The following PCLO variants were observed in gnomAD, a reference collection of about 807,000 sequenced individuals.
PCLO encodes the protein protein piccolo.
PCLO carries 82 observed loss-of-function variants against 427.5 expected under a neutral mutation model. The ratio of observed to expected loss-of-function variants is 0.19; its 90% CI spans 0.16 to 0.23. The LOEUF (loss-of-function observed/expected upper bound fraction) is 0.23. Among genes scored for constraint, PCLO ranks in the 10% least tolerant of loss-of-function variants. The pLI, the probability that PCLO is intolerant of heterozygous loss-of-function variation, is 1.00. For missense variants in PCLO, 6,239 were observed against 6,115.9 expected (o/e 1.02, Z -0.67); for synonymous variants, 2,357 against 2,155.4 (o/e 1.09, Z -2.59).
intron 3 of PCLO, among the ~76,000 whole-genome samples, chr7:83,087,165 T>C (rs1790258128): frequency 6.6e-6 from 1 of 151,464 alleles, no homozygotes; most frequent in South Asian, 2.1e-4. Flanking sequence ...GGCACATGTA[T>C]ACACATGTAA....
rs533768130 is a variant in PCLO, at chr7:82,853,396, T to C, written c.13655-6149A>G. 3.3e-5 allele frequency among the ~76,000 whole-genome samples: 5 copies of C among 152,172 alleles called. No homozygotes were observed. In the South Asian group the frequency reaches 1.0e-3, roughly 32 times the overall value. ...ATGTACATGAGTTGTGAGTTTAAAA[T>C]AACATAACAACCTGAATAAGGGCAT... On this transcript the variant is annotated intron_variant, in intron 10 of 24. Transcript: ENST00000333891.
At chr7:83,104,395 C>T (rs548256116) in intron 3 of PCLO, among the ~76,000 whole-genome samples, 14 of 151,914 alleles carry the variant, frequency 9.2e-5, no homozygotes, top group South Asian at 2.1e-4. Flanking sequence ...GAGAGTTCAC[C>T]TTCACTTTTC....
At chr7:82,999,494 TATATA>T (rs1366780420) in intron 3 of PCLO, among the ~76,000 whole-genome samples, 1 of 19,704 alleles carries the variant, frequency 5.1e-5, no homozygotes, top group African/African-American at 6.4e-4. Context: ...AAATATAATA[TATATA>T]ATATTATATT....
chr7:82,865,780 A>G (rs192032010), intron 10 of PCLO, among the ~76,000 whole-genome samples: 1 of 152,282 alleles, frequency 6.6e-6, no homozygotes, highest in Non-Finnish European at 1.5e-5. Context: ...TATCTATTAT[A>G]CATATATATA....
intron 2 of PCLO, among the ~76,000 whole-genome samples, chr7:83,140,350 C>A (rs556443298): frequency 2.6e-5 from 4 of 152,178 alleles, no homozygotes; most frequent in African/African-American, 9.6e-5. Flanking sequence ...TGCCTTAATG[C>A]CTTTATCTAT....
At position 82,999,782 on chromosome 7, in the gene PCLO, T is replaced by A. The variant is rs376769086; in HGVS notation, c.3301-33295A>T. On this transcript the variant is annotated intron_variant, in intron 3 of 24. Transcript: ENST00000333891. ...ATATAAAATATAATATATAATATTA[T>A]ATATAAAATATAATATATAATATTA... Among the ~76,000 whole-genome samples the A allele has an allele frequency of 5.0e-4, 46 of 91,326 alleles. 10 individuals are homozygous for A. Among genetic ancestry groups the A allele is most frequent in the African/African-American group, 2.2e-3 (38 of 17,366 alleles). The allele number at this position is 91,326 out of a possible 152,430, so 59.9% of individuals were successfully genotyped here.
chr7:82,843,694 T>C (rs1792426616), intron 13 of PCLO, among the ~76,000 whole-genome samples: 1 of 146,880 alleles, frequency 6.8e-6, no homozygotes, highest in African/African-American at 2.5e-5. Context: ...AGACAGAGTC[T>C]CACTCTGTCC....
chr7:83,063,993 G>A (rs1451648269), intron 3 of PCLO, among the ~76,000 whole-genome samples: 1 of 151,936 alleles, frequency 6.6e-6, no homozygotes, highest in African/African-American at 2.4e-5. Flanking sequence ...GAAGACAGTA[G>A]GCTCTAATTC....
chr7:82,978,327 A>C (rs1796068872), intron 3 of PCLO, among the ~76,000 whole-genome samples: 1 of 152,148 alleles, frequency 6.6e-6, no homozygotes, highest in Non-Finnish European at 1.5e-5. Flanking sequence ...TGTTAAAAAA[A>C]TATGATTATT....
chr7:82,888,427 T>A (rs1793678668), intron 9 of PCLO, among the ~76,000 whole-genome samples: 1 of 152,222 alleles, frequency 6.6e-6, no homozygotes, highest in South Asian at 2.1e-4. Flanking sequence ...CCAAATCACA[T>A]GGAGTAGCTC....
chr7:83,094,110 C>G (rs73170050), intron 3 of PCLO, among the ~76,000 whole-genome samples: 8,228 of 151,778 alleles, frequency 0.054, 355 homozygotes, highest in African/African-American at 0.1. Context: ...AACCTTCGGC[C>G]ACCCCTAATT....
chr7:83,052,988 T>G (rs148363594), intron 3 of PCLO, among the ~76,000 whole-genome samples: 1 of 152,104 alleles, frequency 6.6e-6, no homozygotes, highest in Non-Finnish European at 1.5e-5. Context: ...AAAAGCCAAA[T>G]AATATCCTAC....
chr7:82,963,360 T>C (rs888704971), intron 4 of PCLO, among the ~76,000 whole-genome samples: 2 of 152,100 alleles, frequency 1.3e-5, no homozygotes, highest in African/African-American at 4.8e-5. Flanking sequence ...CATTTTCTGA[T>C]AGTTAACAAA....
rs549776097 is a variant in PCLO, at chr7:83,070,554, T to G, written c.3300+63696A>C. On this transcript the variant is annotated intron_variant, in intron 3 of 24. Transcript: ENST00000333891. ...AGGTGCTGCCACCGTGTCCGGCTAATTTTTTTGTATTTTTAGTAGAGACGG... is the reference window on the plus strand; with the variant it reads ...AGGTGCTGCCACCGTGTCCGGCTAAGTTTTTTGTATTTTTAGTAGAGACGG... Among the ~76,000 whole-genome samples the G allele has an allele frequency of 6.1e-4, 93 of 152,068 alleles. No individual in the cohort carries two copies. In the Middle Eastern group the frequency reaches 0.01, roughly 17 times the overall value.
intron 4 of PCLO, among the ~76,000 whole-genome samples, chr7:82,962,392 T>G (rs1219403583): frequency 6.6e-6 from 1 of 152,074 alleles, no homozygotes; most frequent in Non-Finnish European, 1.5e-5. Flanking sequence ...ATCAATATAG[T>G]GACAAATCAA....
At position 82,908,932 on chromosome 7, in the gene PCLO, C is replaced by T. The variant is rs762172311; in HGVS notation, c.13382G>A (p.Arg4461Gln). ...SRLENGHGLDRKLPERLVHSR... is the reference protein window; with the variant it reads ...SRLENGHGLDQKLPERLVHSR... Reference sequence around the variant, plus strand: ...GTGGACCAATCTTTCCGGCAGTTTTCGGTCCAGACCATGTCCATTTTCCAA... The same window carrying T: ...GTGGACCAATCTTTCCGGCAGTTTTTGGTCCAGACCATGTCCATTTTCCAA... The change falls in exon 8 of 25, where the codon CGA (arginine) becomes CAA (glutamine). Residue 4461 changes from arginine to glutamine, a missense_variant. By Grantham distance (43) the Arg-to-Gln change is conservative. Around this residue, in one of 5 missense-constraint regions of PCLO, gnomAD observed 877 missense variants for 925.5 expected, o/e 0.95. Coordinates refer to ENST00000333891, the MANE Select transcript of PCLO (RefSeq NM_033026.6). The T allele has an allele frequency of 1.4e-5, 23 of 1,612,740 alleles. No individual in the cohort carries two copies. Among genetic ancestry groups the T allele is most frequent in the Non-Finnish European group, 1.7e-5 (20 of 1,179,178 alleles).
chr7:83,104,759 T>C (rs1790813654), intron 3 of PCLO, among the ~76,000 whole-genome samples: 1 of 152,128 alleles, frequency 6.6e-6, no homozygotes. Flanking sequence ...AAATTTTACT[T>C]TTTCTATTGA....
intron 3 of PCLO, among the ~76,000 whole-genome samples, chr7:83,093,641 C>T (rs183819599): frequency 0.014 from 2,036 of 148,798 alleles, 40 homozygotes; most frequent in African/African-American, 0.048. Context: ...TACAGGCGCC[C>T]GCTACCACAC....
chr7:82,818,141 T>C (rs1342653717), intron 20 of PCLO, among the ~76,000 whole-genome samples: 2 of 151,736 alleles, frequency 1.3e-5, no homozygotes. Context: ...CTACGGAGAG[T>C]TGTTTAGGCC....
Sources: allele counts gnomAD v4.1 joint callset (sites outside exome capture counted in the v4.1 genomes callset), GRCh38; gene constraint gnomAD v4.1.1; regional missense constraint gnomAD v4.1.1; transcripts MANE v1.5; gene names NCBI Gene and HGNC (gene_info 2026-07-23, HGNC 2026-07-21).